The following RHBDF1 variants were observed in gnomAD, a reference collection of about 807,000 sequenced individuals.
The protein encoded by RHBDF1 is inactive rhomboid protein 1.
Under a neutral mutation model 98.6 loss-of-function variants are expected in RHBDF1, and 80 were observed. That is an observed-to-expected ratio of 0.81 (90% confidence interval 0.68 to 0.98). The LOEUF (loss-of-function observed/expected upper bound fraction) is 0.98, where lower values mean the gene tolerates loss of function less well. Among genes scored for constraint, RHBDF1 ranks in the 50% least tolerant of loss-of-function variants. The probability of loss-of-function intolerance (pLI) is 0.00; values close to 1 mark genes in which losing one functional copy is unlikely to be tolerated. For missense variants in RHBDF1, 1,116 were observed against 1,198.3 expected (o/e 0.93, Z 1.01); for synonymous variants, 512 against 486.8 (o/e 1.05, Z -0.68).
chr16:63,373 C>T (rs935079884), intron 4 of RHBDF1, among the ~76,000 whole-genome samples, 191 bp from the exon 5 acceptor site: 18 of 152,182 alleles, frequency 1.2e-4, no homozygotes, highest in Admixed American at 3.3e-4. Context: ...CATCCAGACA[C>T]TGGCCCCCTG....
intron 9 of RHBDF1, 30 bp from the exon 10 acceptor site, chr16:61,489 GC>G (rs1567113831): frequency 5.6e-6 from 9 of 1,612,064 alleles, no homozygotes; most frequent in East Asian, 4.5e-5. Context: ...GATCAGACGG[GC>G]CCCGACTCTG....
intron 3 of RHBDF1, chr16:64,342 G>T (rs1596472001): frequency 1.5e-6 from 2 of 1,359,906 alleles, no homozygotes; most frequent in East Asian, 4.5e-5. Flanking sequence ...CCTGAGCAGG[G>T]ACCAAGAGAG....
In RHBDF1 at chr16:72,550, C is replaced by T. The variant is rs1898003414; in HGVS notation, c.-62G>A. On this transcript the variant is annotated 5_prime_UTR_variant, in exon 1 of 18. Transcript: ENST00000262316. ...GGGCTCTGGGGGGTCCTGAGGGCGC[C>T]GGGGAGGAGGCTGCCGCCGCTGGCC... The T allele has an allele frequency of 1.2e-6, 1 of 831,108 alleles. No individual in the cohort carries two copies. The highest frequency in any genetic ancestry group is 1.3e-6 in the Non-Finnish European group (1 of 759,854). The allele number at this position is 831,108 out of a possible 1,614,324, so 51.5% of individuals were successfully genotyped here.
chr16:60,172 CAT>C lies in RHBDF1; in HGVS notation c.1722+42_1722+43del, dbSNP rs776797510. ...GGGTGGGGTGTGGCATTCTCTCCCA[CAT>C]GACACGGAGGGCTCCCTAACAACCC... is the stretch of plus-strand genomic sequence containing the variant. On this transcript the variant is annotated intron_variant, in intron 13 of 17. Transcript: ENST00000262316. 7 of 1,613,490 alleles carry C rather than the reference CAT, an allele frequency of 4.3e-6. No individual in the cohort carries two copies. The South Asian group carries it at 7.7e-5, about 18-fold the overall frequency.
At chr16:75,298 C>T (rs1006945367), upstream of RHBDF1, among the ~76,000 whole-genome samples, 2 of 152,162 alleles carry the variant, frequency 1.3e-5, no homozygotes, top group Admixed American at 1.3e-4. Context: ...CACCAGGACA[C>T]GAGGGAATGG....
rs771230509 is a variant in RHBDF1, at chr16:64,888, C to T, written c.117+11G>A. 1.2e-6 allele frequency: 2 copies of T among 1,612,118 alleles called. No homozygotes were observed. Among genetic ancestry groups the T allele is most frequent in the Non-Finnish European group, 1.7e-6 (2 of 1,178,828 alleles). On this transcript the variant is annotated intron_variant, in intron 2 of 17. Transcript: ENST00000262316. ...AGGGGGCACCCACAGTCCCTGCAGGCCAGGGCCTACCTGCAGGAAGCTGGG... is the reference window on the plus strand; with the variant it reads ...AGGGGGCACCCACAGTCCCTGCAGGTCAGGGCCTACCTGCAGGAAGCTGGG...
intron 11 of RHBDF1, 68 bp downstream of exon 11, chr16:61,052 G>A: frequency 6.8e-7 from 1 of 1,466,266 alleles, no homozygotes; most frequent in Non-Finnish European, 9.1e-7. Context: ...ACTCTGCCGA[G>A]TCTATCTGAG....
chr16:61,923 G>A lies in RHBDF1; in HGVS notation c.1083C>T (p.Arg361=). 1.2e-6 allele frequency: 2 copies of A among 1,601,746 alleles called. No individual in the cohort carries two copies. The highest frequency in any genetic ancestry group is 1.7e-6 in the Non-Finnish European group (2 of 1,179,546). The change falls in exon 8 of 18, where the codon CGC becomes CGT. Residue 361 remains arginine, a synonymous_variant. Transcript: ENST00000262316. The part of the protein sequence containing the change: ...RRGQRIAVPV[R]KLFAREKRPY... ...GCCGCTTCTCCCGGGCGAAGAGCTT[G>A]CGCACCGGCACCGCGATACGCTGGC...
At chr16:60,118 C>G in intron 13 of RHBDF1, 98 bp downstream of exon 13, 1 of 1,591,240 alleles carries the variant, frequency 6.3e-7, no homozygotes, top group Non-Finnish European at 8.6e-7. Context: ...TGAGGTGGTC[C>G]CATGATGGGA....
chr16:59,497 AG>A lies in RHBDF1; in HGVS notation c.1818-4del, dbSNP rs1239836861. 2 of 1,612,982 alleles carry A rather than the reference AG, an allele frequency of 1.2e-6. No individual in the cohort carries two copies. Among genetic ancestry groups the A allele is most frequent in the Non-Finnish European group, 1.7e-6 (2 of 1,179,724 alleles). On this transcript the variant is annotated splice_polypyrimidine_tract_variant and splice_region_variant and intron_variant, in intron 14 of 17. Coordinates refer to ENST00000262316, the MANE Select transcript of RHBDF1 (RefSeq NM_022450.5). ...ACTCCCGGGAGGTGATCTCACACCT[AG>A]AAAGGCAGGCCAGGGTTCGGAGACT... is the stretch of plus-strand genomic sequence containing the variant.
Position 64,801 on chromosome 16 carries a change from C to A in RHBDF1, c.146G>T (p.Ser49Ile). ...GGCTGTCTCGGCTGGCATACTCACA[C>A]TCCTCAGGAAAGCCTGTCGCCTCAG... ...QPLRRQAFLR[S>I]VSMPAETAHI... The change falls in exon 3 of 18, where the codon AGT (serine) becomes ATT (isoleucine). Residue 49 changes from serine to isoleucine, a missense_variant. By Grantham distance (142) the Ser-to-Ile change is moderately radical (BLOSUM62 -2). Transcript: ENST00000262316. The A allele has an allele frequency of 6.2e-7, 1 of 1,614,092 alleles. No individual in the cohort carries two copies. The highest frequency in any genetic ancestry group is 8.5e-7 in the Non-Finnish European group (1 of 1,180,012).
chr16:61,703 G>C lies in RHBDF1; in HGVS notation c.1209-7C>G, dbSNP rs199962084. Reference sequence around the variant, plus strand: ...CCAGTAGGTGAAGAAGGGCCTGCGGGGTGGAGCGTCAGCGGGGGCCTCATC... The same window carrying C: ...CCAGTAGGTGAAGAAGGGCCTGCGGCGTGGAGCGTCAGCGGGGGCCTCATC... On this transcript the variant is annotated splice_polypyrimidine_tract_variant and splice_region_variant and intron_variant, in intron 8 of 17. Coordinates refer to ENST00000262316, the MANE Select transcript of RHBDF1 (RefSeq NM_022450.5). 9.9e-6 allele frequency: 16 copies of C among 1,613,312 alleles called. No individual in the cohort carries two copies. The highest frequency in any genetic ancestry group is 1.3e-5 in the Non-Finnish European group (15 of 1,179,838).
upstream of RHBDF1, among the ~76,000 whole-genome samples, chr16:73,628 A>G (rs1898032999): frequency 6.6e-6 from 1 of 152,128 alleles, no homozygotes. Context: ...AGGAGCTCTG[A>G]GTGGTGGGTG....
chr16:62,114 G>A (rs216601), intron 7 of RHBDF1, 62 bp from the exon 8 acceptor site: 187,963 of 1,430,162 alleles, frequency 0.13, 15,246 homozygotes, highest in African/African-American at 0.37. Context: ...TCCCTCCCCG[G>A]GGGGCACCAG....
At chr16:73,982 G>C (rs939894084), upstream of RHBDF1, 15 of 983,702 alleles carry the variant, frequency 1.5e-5, no homozygotes, top group African/African-American at 2.6e-4. Flanking sequence ...ACGGGATAGG[G>C]CGGTGCCTGC....
intron 1 of RHBDF1, among the ~76,000 whole-genome samples, chr16:68,480 CCAAA>C (rs984872727): frequency 2.6e-5 from 4 of 152,220 alleles, no homozygotes; most frequent in Non-Finnish European, 5.9e-5. Flanking sequence ...TCGGGGGGAT[CCAAA>C]CAGTGTCTCC....
intron 1 of RHBDF1, among the ~76,000 whole-genome samples, chr16:67,289 C>T (rs1004410441): frequency 6.6e-6 from 1 of 152,198 alleles, no homozygotes; most frequent in African/African-American, 2.4e-5. Context: ...GACGAATGCT[C>T]TTAGTGAGGC....
intron 1 of RHBDF1, among the ~76,000 whole-genome samples, chr16:65,805 G>A (rs1349251471): frequency 6.6e-6 from 1 of 152,212 alleles, no homozygotes; most frequent in Non-Finnish European, 1.5e-5. Flanking sequence ...GGGCACAAAT[G>A]ACTTTCCAGA....
upstream of RHBDF1, chr16:74,004 G>A: frequency 1.1e-6 from 1 of 937,110 alleles, no homozygotes; most frequent in Non-Finnish European, 1.3e-6. Context: ...CATAATGGGT[G>A]CTCTCTGAAC....
Sources: allele counts gnomAD v4.1 joint callset (sites outside exome capture counted in the v4.1 genomes callset), GRCh38; gene constraint gnomAD v4.1.1; transcripts MANE v1.5; gene names NCBI Gene and HGNC (gene_info 2026-07-23, HGNC 2026-07-21).